Variants in MGMT observed in about 807,000 individuals in gnomAD.
MGMT encodes O-6-methylguanine-DNA methyltransferase.
Under a neutral mutation model 15.9 loss-of-function variants are expected in MGMT, and 14 were observed. The observed-to-expected ratio is 0.88, with a 90% CI of 0.58 to 1.37. MGMT has a LOEUF of 1.37. Ranked by LOEUF, MGMT falls within the 40% of genes most tolerant of loss-of-function variation. MGMT has a pLI of 0.00. For missense variants in MGMT, 282 were observed against 268.1 expected, an observed-to-expected ratio of 1.05 and a Z score of -0.36; for synonymous variants, 130 against 118.2, an observed-to-expected ratio of 1.10 and a Z score of -0.65.
At chr10:129,611,736 C>T (rs1029923855) in intron 2 of MGMT, among the ~76,000 whole-genome samples, 7 of 152,114 alleles carry the variant, frequency 4.6e-5, no homozygotes, top group South Asian at 4.2e-4. Context: ...CTCCCGGGTG[C>T]GCTCTGGGGG....
At chr10:129,587,138 C>T (rs967676931) in intron 2 of MGMT, among the ~76,000 whole-genome samples, 2 of 152,036 alleles carry the variant, frequency 1.3e-5, no homozygotes, top group Non-Finnish European at 2.9e-5. Context: ...CATTTTCCCC[C>T]CTCCAGGGGT....
intron 3 of MGMT, among the ~76,000 whole-genome samples, chr10:129,728,378 C>T (rs1848457228): frequency 6.6e-6 from 1 of 152,094 alleles, no homozygotes; most frequent in African/African-American, 2.4e-5. Flanking sequence ...TGGGTGACGC[C>T]AGTGATGGCT....
intron 2 of MGMT, among the ~76,000 whole-genome samples, chr10:129,707,209 G>T (rs1482565471): frequency 3.3e-5 from 5 of 152,064 alleles, no homozygotes; most frequent in Admixed American, 3.3e-4. Context: ...CCCGGGATAT[G>T]GAGGTTGCAG....
rs866285582 is a variant in MGMT at position 129,675,065 on chromosome 10, G to A, written c.126-32830G>A. ...CCACGTGGAACAAGTAAGAGCTCAC[G>A]AGTGCCTGTGAAGAAGGACCCCACC... On this transcript the variant is annotated intron_variant, in intron 2 of 4. Transcript: ENST00000651593. Among the ~76,000 whole-genome samples, 15 of 152,292 alleles carry A rather than the reference G, an allele frequency of 9.8e-5. 1 individual carries two copies. The South Asian group carries it at 2.5e-3, about 25-fold the overall frequency.
At chr10:129,759,393 G>T (rs753402067) in intron 4 of MGMT, 52 bp downstream of exon 4, 2 of 1,611,558 alleles carry the variant, frequency 1.2e-6, no homozygotes, top group Non-Finnish European at 1.7e-6. Context: ...CGTGCAGGTG[G>T]CAGGGTGTCA....
chr10:129,664,985 G>A (rs369314797), intron 2 of MGMT, among the ~76,000 whole-genome samples: 61 of 152,142 alleles, frequency 4.0e-4, no homozygotes, highest in African/African-American at 1.4e-3. Flanking sequence ...CCATTGCGGG[G>A]GAAAATGCTG....
intron 2 of MGMT, among the ~76,000 whole-genome samples, chr10:129,642,585 CAG>C (rs746616802): frequency 3.3e-5 from 5 of 152,194 alleles, no homozygotes; most frequent in Admixed American, 1.3e-4. Flanking sequence ...TGTCTGGCCT[CAG>C]GGGTGTGTGT....
At chr10:129,480,660 T>A (rs1845347610) in intron 1 of MGMT, among the ~76,000 whole-genome samples, 1 of 152,122 alleles carries the variant, frequency 6.6e-6, no homozygotes, top group Non-Finnish European at 1.5e-5. Flanking sequence ...GGAGGATCAC[T>A]TGAGGCCAGG....
At chr10:129,562,973 G>A (rs546359984) in intron 2 of MGMT, among the ~76,000 whole-genome samples, 88 of 152,226 alleles carry the variant, frequency 5.8e-4, no homozygotes, top group African/African-American at 2.0e-3. Context: ...ACAAGTGCCC[G>A]TGCCACCATT....
chr10:129,574,637 C>A (rs919192204), intron 2 of MGMT, among the ~76,000 whole-genome samples: 1 of 152,106 alleles, frequency 6.6e-6, no homozygotes, highest in Non-Finnish European at 1.5e-5. Context: ...GCTGTGTCAC[C>A]AGAAGTAGGT....
intron 2 of MGMT, among the ~76,000 whole-genome samples, chr10:129,610,138 T>C (rs149862410): frequency 6.6e-4 from 100 of 152,332 alleles, no homozygotes; most frequent in African/African-American, 2.3e-3. Context: ...ATATTCAATA[T>C]TTGAGTTAGG....
chr10:129,536,432 G>A, intron 2 of MGMT, 55 bp downstream of exon 2: 2 of 1,569,288 alleles, frequency 1.3e-6, no homozygotes, highest in Admixed American at 4.0e-5. Flanking sequence ...CAACCGAGGA[G>A]TATATGTGAT....
At chr10:129,642,218 C>T (rs1847335782) in intron 2 of MGMT, among the ~76,000 whole-genome samples, 1 of 150,468 alleles carries the variant, frequency 6.6e-6, no homozygotes, top group Non-Finnish European at 1.5e-5. Flanking sequence ...CCTGGGCGGG[C>T]GGGCGGGCGT....
At chr10:129,506,698 G>A (rs1435128065) in intron 1 of MGMT, among the ~76,000 whole-genome samples, 6 of 152,098 alleles carry the variant, frequency 3.9e-5, no homozygotes, top group Admixed American at 3.3e-4. Context: ...CGAAAGAGTC[G>A]ACTTGCCATT....
chr10:129,553,526 G>A (rs766652901), intron 2 of MGMT, among the ~76,000 whole-genome samples: 2 of 152,136 alleles, frequency 1.3e-5, no homozygotes, highest in Admixed American at 1.3e-4. Context: ...TGTTGAGTAC[G>A]TTCAACAAAG....
chr10:129,473,195 T>C (rs2119617109), intron 1 of MGMT, among the ~76,000 whole-genome samples: 1 of 152,214 alleles, frequency 6.6e-6, no homozygotes, highest in Non-Finnish European at 1.5e-5. Flanking sequence ...TATTTTCCCA[T>C]GTGTGACGGC....
At position 129,770,904 on chromosome 10, in the gene MGMT, A is replaced by G. The variant is rs954770496; in HGVS notation, c.*3907A>G. ...GGGATTTAAATTTTTGGCTTCCCTCAGACCTCAGACCGTGTGGGTTTTTTT... is the reference window on the plus strand; with the variant it reads ...GGGATTTAAATTTTTGGCTTCCCTCGGACCTCAGACCGTGTGGGTTTTTTT... On this transcript the variant is annotated 3_prime_UTR_variant, in exon 5 of 5. Coordinates refer to ENST00000651593, the MANE Select transcript of MGMT (RefSeq NM_002412.5). Among the ~76,000 whole-genome samples, 21 of 151,334 alleles carry G rather than the reference A, an allele frequency of 1.4e-4. No homozygotes were observed. The highest frequency in any genetic ancestry group is 8.8e-5 in the Non-Finnish European group (6 of 67,962).
intron 2 of MGMT, among the ~76,000 whole-genome samples, chr10:129,665,466 A>G (rs1847649007): frequency 6.6e-6 from 1 of 151,952 alleles, no homozygotes; most frequent in Non-Finnish European, 1.5e-5. Flanking sequence ...CAATTGATAC[A>G]TACAACATCA....
At chr10:129,579,805 A>C (rs1383416230) in intron 2 of MGMT, among the ~76,000 whole-genome samples, 5 of 151,890 alleles carry the variant, frequency 3.3e-5, no homozygotes, top group African/African-American at 1.2e-4. Context: ...TCTCATGTTA[A>C]CTCTGTGATT....
Sources: gnomAD v4.1 joint callset for allele counts (sites outside exome capture counted in the v4.1 genomes callset) on GRCh38, gnomAD v4.1.1 for gene constraint, MANE v1.5 for transcripts, NCBI Gene and HGNC (gene_info 2026-07-23, HGNC 2026-07-21) for gene names.